WNK1: variants seen among roughly 807,000 people sequenced by gnomAD.
The protein encoded by WNK1 is WNK lysine deficient protein kinase 1.
WNK1 carries 38 observed loss-of-function variants against 222.8 expected under a neutral mutation model. The observed-to-expected ratio is 0.17, with a 90% CI of 0.13 to 0.22. WNK1 has a LOEUF of 0.22. Ranked by LOEUF, WNK1 falls within the 10% of genes least tolerant of loss-of-function variation. WNK1 has a pLI of 1.00. For missense variants in WNK1, 2,348 were observed against 2,918.4 expected (o/e 0.80, Z 4.50); for synonymous variants, 1,090 against 1,092.9 (o/e 1.00, Z 0.05).
rs191823668 is a variant in WNK1, at chr12:759,538, C to T, written c.759+5214C>T. Among the ~76,000 whole-genome samples, 41 of 147,470 alleles carry T rather than the reference C, an allele frequency of 2.8e-4. 3 individuals are homozygous for T. The highest frequency in any genetic ancestry group is 2.3e-3 in the Admixed American group (34 of 14,852). On this transcript the variant is annotated intron_variant, in intron 1 of 27. Transcript: ENST00000315939. ...TAGAGATGGGGTTTCACCATGTTGG[C>T]CAGGCTGGTCTTGAACACCTGACCT...
intron 1 of WNK1, among the ~76,000 whole-genome samples, chr12:783,496 A>C (rs1360014228): frequency 1.4e-5 from 2 of 147,514 alleles, no homozygotes; most frequent in African/African-American, 2.5e-5. Context: ...CCACCAAAAA[A>C]AAAACAAAAC....
At chr12:820,225 T>TTTTAA (rs1325502045) in intron 2 of WNK1, among the ~76,000 whole-genome samples, 1 of 152,208 alleles carries the variant, frequency 6.6e-6, no homozygotes, top group Non-Finnish European at 1.5e-5. Flanking sequence ...TTTATGTCTT[T>TTTTAA]TTTAATTTCT....
Position 865,082 on chromosome 12 carries a change from T to C in WNK1, c.2139+2812T>C, listed in dbSNP as rs1430833445. 21 of 1,487,040 alleles carry C rather than the reference T, an allele frequency of 1.4e-5. No individual in the cohort carries two copies. The East Asian group carries it at 4.9e-4, about 35-fold the overall frequency. The allele number at this position is 1,487,040 out of a possible 1,614,324, so 92.1% of individuals were successfully genotyped here. On this transcript the variant is annotated intron_variant, in intron 8 of 27. Transcript: ENST00000315939. ...ATTTTGTTTTCACAGTACTGTGTTT[T>C]TCATGTGTGTGTTTGTTTTGTGTTG... is the stretch of plus-strand genomic sequence containing the variant.
intron 4 of WNK1, among the ~76,000 whole-genome samples, chr12:836,050 C>T (rs990724688): frequency 1.3e-5 from 2 of 152,064 alleles, no homozygotes; most frequent in African/African-American, 4.8e-5. Flanking sequence ...TTTATTGTTA[C>T]AGCACAGCAA....
At chr12:844,416 G>A (rs1047452534) in intron 4 of WNK1, among the ~76,000 whole-genome samples, 3 of 152,142 alleles carry the variant, frequency 2.0e-5, no homozygotes, top group East Asian at 1.9e-4. Flanking sequence ...GATTACAGGC[G>A]TGAACGACCA....
chr12:898,000 C>T lies in WNK1; in HGVS notation c.6448+319C>T, dbSNP rs1034123589. On this transcript the variant is annotated intron_variant, in intron 25 of 27. Coordinates refer to ENST00000315939, the MANE Select transcript of WNK1 (RefSeq NM_018979.4). ...CTCGTATAACTCACATTTAACCAAACTCTTGGGCAGTTGGAAGAAAATACA... is the reference window on the plus strand; with the variant it reads ...CTCGTATAACTCACATTTAACCAAATTCTTGGGCAGTTGGAAGAAAATACA... Among the ~76,000 whole-genome samples, 28 of 152,300 alleles carry T rather than the reference C, an allele frequency of 1.8e-4. 1 individual carries two copies. The highest frequency in any genetic ancestry group is 1.8e-3 in the Admixed American group (27 of 15,294).
chr12:910,861 G>A lies in WNK1; in HGVS notation c.*2069G>A, dbSNP rs1170627023. Reference sequence around the variant, plus strand: ...AAAGGTAGAAAGGAAAAGGGCAAGGGCTTCCACCCCTGCTTTAAAATGATT... The same window carrying A: ...AAAGGTAGAAAGGAAAAGGGCAAGGACTTCCACCCCTGCTTTAAAATGATT... On this transcript the variant is annotated 3_prime_UTR_variant, in exon 28 of 28. Coordinates refer to ENST00000315939, the MANE Select transcript of WNK1 (RefSeq NM_018979.4). The A allele has an allele frequency of 6.5e-6, 1 of 154,256 alleles. No individual in the cohort carries two copies. The highest frequency in any genetic ancestry group is 1.9e-4 in the East Asian group (1 of 5,294). The allele number at this position is 154,256 out of a possible 1,614,324, so 9.6% of individuals were successfully genotyped here. A position where few individuals can be genotyped will look rare whatever the true frequency, so the allele number is the denominator to read the frequency against.
chr12:911,299 A>AACTT lies in WNK1; in HGVS notation c.*2508_*2511dup, dbSNP rs1246685867. 1.0e-5 allele frequency: 4 copies of AACTT among 398,488 alleles called. No individual in the cohort carries two copies. Among genetic ancestry groups the AACTT allele is most frequent in the African/African-American group, 8.2e-5 (4 of 48,626 alleles). The allele number at this position is 398,488 out of a possible 1,614,324, so 24.7% of individuals were successfully genotyped here. ...TGTTAAAAATAAAAATAAAAATTCAAACTTTGGGGGTTTCTCAGCAGCCGT... is the reference window on the plus strand; with the variant it reads ...TGTTAAAAATAAAAATAAAAATTCAAACTTACTTTGGGGGTTTCTCAGCAGCCGT... On this transcript the variant is annotated 3_prime_UTR_variant, in exon 28 of 28. Coordinates refer to ENST00000315939, the MANE Select transcript of WNK1 (RefSeq NM_018979.4).
chr12:833,585 C>A (rs1464744084), intron 4 of WNK1, among the ~76,000 whole-genome samples: 1 of 141,732 alleles, frequency 7.1e-6, no homozygotes, highest in Non-Finnish European at 1.6e-5. Context: ...GACATTTTAT[C>A]TGATTGGTTT....
intron 4 of WNK1, among the ~76,000 whole-genome samples, chr12:855,600 T>C (rs1467999000): frequency 6.6e-6 from 1 of 152,210 alleles, no homozygotes; most frequent in African/African-American, 2.4e-5. Context: ...TTTATGTATA[T>C]TTAATAACTT....
chr12:761,230 T>C (rs1259476140), intron 1 of WNK1, among the ~76,000 whole-genome samples: 1 of 148,126 alleles, frequency 6.8e-6, no homozygotes, highest in Non-Finnish European at 1.5e-5. Flanking sequence ...AGGTGGGGTT[T>C]CATAAATAAT....
intron 10 of WNK1, among the ~76,000 whole-genome samples, chr12:878,641 A>G (rs1379411142): frequency 6.6e-6 from 1 of 152,144 alleles, no homozygotes; most frequent in East Asian, 1.9e-4. Context: ...TGTAACAGGT[A>G]TTAGAAATAA....
rs1268502587 is a variant in WNK1, at chr12:879,879, A to G, written c.2680A>G (p.Ser894Gly). ...AIPGVSTVVP[S>G]QLPTLLQPVT... ...CCCGGGGGTATCAACTGTGGTTCCT[A>G]GTCAGCTTCCAACCCTTCTGCAGCC... Residue 894 changes from serine (S) to glycine (G), a missense_variant, in exon 11 of 28, where the codon AGT becomes GGT. Physicochemically the swap from Ser to Gly is moderately conservative, Grantham distance 56. Around this residue, in one of 13 missense-constraint regions of WNK1, gnomAD observed 547 missense variants for 558.3 expected, o/e 0.98. Transcript: ENST00000315939. The G allele has an allele frequency of 1.2e-6, 2 of 1,613,960 alleles. No individual in the cohort carries two copies. The highest frequency in any genetic ancestry group is 1.7e-6 in the Non-Finnish European group (2 of 1,180,014).
chr12:786,484 T>TTG, intron 1 of WNK1, among the ~76,000 whole-genome samples: 1 of 151,404 alleles, frequency 6.6e-6, no homozygotes, highest in Admixed American at 6.6e-5. Context: ...TTTTTTTTTT[T>TTG]GAGACAGAAT....
chr12:777,585 T>TA (rs1438029886), intron 1 of WNK1, among the ~76,000 whole-genome samples: 1 of 152,198 alleles, frequency 6.6e-6, no homozygotes, highest in Non-Finnish European at 1.5e-5. Flanking sequence ...TAGAGCTAGA[T>TA]ATGATCTACC....
intron 4 of WNK1, among the ~76,000 whole-genome samples, chr12:854,599 C>T (rs553943245): frequency 3.1e-4 from 47 of 152,120 alleles, no homozygotes; most frequent in African/African-American, 7.9e-4. Context: ...CCACCTGCCT[C>T]GGCCTCCCAA....
At chr12:800,124 A>G (rs1411259115) in intron 1 of WNK1, among the ~76,000 whole-genome samples, 3 of 152,298 alleles carry the variant, frequency 2.0e-5, no homozygotes, top group East Asian at 3.9e-4. Flanking sequence ...AGTCTGGGCA[A>G]CAGAGTAAGA....
intron 6 of WNK1, 114 bp from the exon 7 acceptor site, chr12:860,899 C>A: frequency 1.0e-6 from 1 of 998,004 alleles, no homozygotes; most frequent in Non-Finnish European, 1.5e-6. Flanking sequence ...TTCTTTCTTC[C>A]TCCTCTTCTC....
At chr12:889,109 A>G in intron 20 of WNK1, 31 bp from the exon 21 acceptor site, 1 of 1,594,444 alleles carries the variant, frequency 6.3e-7, no homozygotes, top group Non-Finnish European at 8.6e-7. Flanking sequence ...GGTGCCACGG[A>G]ACTGTATTTA....
Sources: gnomAD v4.1 joint callset for allele counts (sites outside exome capture counted in the v4.1 genomes callset) on GRCh38, gnomAD v4.1.1 for gene constraint, gnomAD v4.1.1 regional missense constraint, MANE v1.5 for transcripts, NCBI Gene and HGNC (gene_info 2026-07-23, HGNC 2026-07-21) for gene names.